The following FBXO4 variants were observed in gnomAD, a reference collection of about 807,000 sequenced individuals.
FBXO4 encodes the protein F-box only protein 4.
A neutral mutation model predicts 43.7 loss-of-function variants in FBXO4; 36 were observed. That is an observed-to-expected ratio of 0.82 (90% CI 0.63 to 1.09). The LOEUF is 1.09. FBXO4 is among the 50% of genes least tolerant of loss of function. FBXO4 has a pLI of 0.00. For missense variants in FBXO4, 435 were observed against 474.1 expected (o/e 0.92, Z 0.77); for synonymous variants, 180 against 165.6 (o/e 1.09, Z -0.67).
At chr5:41,973,095 T>G in the FBXO4 span, among the ~76,000 whole-genome samples, 1 of 152,158 alleles carries the variant, frequency 6.6e-6, no homozygotes. Flanking sequence ...ACTAAAGAGT[T>G]ACTGCACAGC....
chr5:41,958,498 A>C, the FBXO4 span, among the ~76,000 whole-genome samples: 1 of 152,176 alleles, frequency 6.6e-6, no homozygotes, highest in African/African-American at 2.4e-5. Context: ...AGAGCTCTTG[A>C]ATTCATTCCT....
chr5:42,013,374 CA>C, the FBXO4 span, among the ~76,000 whole-genome samples: 116 of 152,240 alleles, frequency 7.6e-4, no homozygotes, highest in Middle Eastern at 3.4e-3. Flanking sequence ...CAAAGTTGAA[CA>C]TATTTCTTTT....
At chr5:41,931,271 G>A (rs529418552) in intron 3 of FBXO4, among the ~76,000 whole-genome samples, 4 of 152,344 alleles carry the variant, frequency 2.6e-5, no homozygotes, top group African/African-American at 9.6e-5. Context: ...GAAGATGAGA[G>A]AAGAGAATGA....
At chr5:42,015,526 T>A in the FBXO4 span, among the ~76,000 whole-genome samples, 4 of 152,188 alleles carry the variant, frequency 2.6e-5, no homozygotes, top group Non-Finnish European at 4.4e-5. Context: ...TACACCCACC[T>A]ATGTCTAAAT....
chr5:41,928,179 C>A (rs1751564860), intron 2 of FBXO4, among the ~76,000 whole-genome samples: 1 of 152,124 alleles, frequency 6.6e-6, no homozygotes, highest in African/African-American at 2.4e-5. Context: ...CTGTATCTCA[C>A]TTGCTAGGCA....
chr5:41,934,684 T>C, intron 5 of FBXO4: 1 of 1,078,072 alleles, frequency 9.3e-7, no homozygotes, highest in Non-Finnish European at 1.1e-6. Flanking sequence ...ACTGACATTT[T>C]GTCTGCTTCT....
chr5:41,926,508 G>A (rs1238468622), intron 1 of FBXO4, among the ~76,000 whole-genome samples: 1 of 152,206 alleles, frequency 6.6e-6, no homozygotes, highest in Non-Finnish European at 1.5e-5. Context: ...GGGAGACGGA[G>A]CTTGCAGTGA....
chr5:41,990,925 G>A, the FBXO4 span, among the ~76,000 whole-genome samples: 3 of 152,078 alleles, frequency 2.0e-5, no homozygotes, highest in Admixed American at 6.6e-5. Context: ...CTTCCCTTTT[G>A]TAGTCTACAT....
the FBXO4 span, among the ~76,000 whole-genome samples, chr5:41,999,481 A>ACATATATATG: frequency 9.6e-5 from 1 of 10,400 alleles, no homozygotes; most frequent in African/African-American, 1.9e-4. Flanking sequence ...ATATATACAC[A>ACATATATATG]TATATATATA....
At chr5:41,958,119 G>A in the FBXO4 span, among the ~76,000 whole-genome samples, 1 of 150,012 alleles carries the variant, frequency 6.7e-6, no homozygotes, top group Non-Finnish European at 1.5e-5. Context: ...CTTAAATCTA[G>A]TCTGTTAACA....
chr5:41,959,650 A>G, the FBXO4 span, among the ~76,000 whole-genome samples: 2 of 152,138 alleles, frequency 1.3e-5, no homozygotes, highest in South Asian at 2.1e-4. Context: ...AGTTCTTGAC[A>G]TCTTTGCCAA....
the FBXO4 span, among the ~76,000 whole-genome samples, chr5:41,950,386 C>T: frequency 6.6e-6 from 1 of 152,084 alleles, no homozygotes; most frequent in Non-Finnish European, 1.5e-5. Flanking sequence ...CAAACAACCC[C>T]ATCAAAAAGT....
chr5:42,037,361 A>G, the FBXO4 span, among the ~76,000 whole-genome samples: 2 of 151,964 alleles, frequency 1.3e-5, no homozygotes, highest in Admixed American at 6.6e-5. Context: ...AGAATCCTAA[A>G]ATTGGAATGC....
chr5:41,994,459 C>T, the FBXO4 span, among the ~76,000 whole-genome samples: 9 of 152,194 alleles, frequency 5.9e-5, no homozygotes, highest in Admixed American at 5.9e-4. Context: ...TTGCCTTCAG[C>T]AAGCACCTCA....
the FBXO4 span, among the ~76,000 whole-genome samples, chr5:41,980,243 AAG>A: frequency 1.3e-5 from 2 of 152,242 alleles, no homozygotes; most frequent in South Asian, 4.1e-4. Flanking sequence ...CTAAAATACT[AAG>A]AGACAAGGAA....
At chr5:41,961,385 G>C in the FBXO4 span, among the ~76,000 whole-genome samples, 2 of 152,136 alleles carry the variant, frequency 1.3e-5, no homozygotes, top group Non-Finnish European at 2.9e-5. Flanking sequence ...TGGCACTGGT[G>C]TCTGATCATG....
At chr5:41,953,145 C>T in the FBXO4 span, among the ~76,000 whole-genome samples, 12 of 151,790 alleles carry the variant, frequency 7.9e-5, no homozygotes, top group African/African-American at 9.7e-5. Flanking sequence ...ATCCCTCCCC[C>T]GTCCCCCCAC....
chr5:41,965,609 A>G, the FBXO4 span, among the ~76,000 whole-genome samples: 1 of 152,210 alleles, frequency 6.6e-6, no homozygotes, highest in Non-Finnish European at 1.5e-5. Context: ...AATCAAAACC[A>G]CAATGAGATA....
Position 41,941,561 on chromosome 5 carries a change from GA to G in FBXO4, c.*286del. 1 of 201,890 alleles carries G rather than the reference GA, an allele frequency of 5.0e-6. No homozygotes were observed. 12.5% of individuals were successfully genotyped at this position (201,890 alleles called of 1,614,324 possible). ...GTCTTTTTAAAAATATTAAATTCTG[GA>G]AAAAACAAGTTTGTGCCTCTCATTC... is the stretch of plus-strand genomic sequence containing the variant. On this transcript the variant is annotated 3_prime_UTR_variant, in exon 7 of 7. Coordinates refer to ENST00000281623, the MANE Select transcript of FBXO4 (RefSeq NM_012176.3).
Sources: allele counts gnomAD v4.1 joint callset (sites outside exome capture counted in the v4.1 genomes callset), GRCh38; gene constraint gnomAD v4.1.1; transcripts MANE v1.5; gene names NCBI Gene and HGNC (gene_info 2026-07-23, HGNC 2026-07-21).